FLT4: variants seen among roughly 807,000 people sequenced by gnomAD.
FLT4 encodes the protein vascular endothelial growth factor receptor 3.
A neutral mutation model predicts 163.2 loss-of-function variants in FLT4; 30 were observed. That is an observed-to-expected ratio of 0.18 (90% CI 0.14 to 0.25). The LOEUF is 0.25. Ranked by LOEUF, FLT4 falls within the 10% of genes least tolerant of loss-of-function variation. FLT4 has a pLI of 1.00. For missense variants in FLT4, 1,510 were observed against 1,863.8 expected (o/e 0.81, Z 3.50); for synonymous variants, 884 against 789.5 (o/e 1.12, Z -2.01).
chr5:180,623,116 C>G lies in FLT4; in HGVS notation c.1549-277G>C, dbSNP rs1015072928. On this transcript the variant is annotated intron_variant, in intron 11 of 29. Coordinates refer to ENST00000261937, the MANE Select transcript of FLT4 (RefSeq NM_182925.5). This position sits in a 1 kb window ranked among gnomAD's most constrained non-coding sequence, Gnocchi z 5.8. ...AGTGACGTCAGAGGGCAGCCTTTGGCAGGACCAGAGAGACCTCTGGCCGTG... is the reference window on the plus strand; with the variant it reads ...AGTGACGTCAGAGGGCAGCCTTTGGGAGGACCAGAGAGACCTCTGGCCGTG... 2.6e-5 allele frequency among the ~76,000 whole-genome samples: 4 copies of G among 152,194 alleles called. No homozygotes were observed. The highest frequency in any genetic ancestry group is 9.7e-5 in the African/African-American group (4 of 41,430).
chr5:180,607,897 C>T, intron 29 of FLT4: 1 of 584,372 alleles, frequency 1.7e-6, no homozygotes, highest in Admixed American at 3.0e-5. Context: ...CTCTGTCACG[C>T]TGGCATAAGG....
At chr5:180,649,850 G>T (rs1258191563), upstream of FLT4, among the ~76,000 whole-genome samples, 1 of 152,124 alleles carries the variant, frequency 6.6e-6, no homozygotes, top group Non-Finnish European at 1.5e-5. Context: ...ATGGAGCCTG[G>T]TGGGCAAAGG....
At chr5:180,628,763 G>T in intron 8 of FLT4, 119 bp downstream of exon 8, 1 of 729,754 alleles carries the variant, frequency 1.4e-6, no homozygotes, top group Admixed American at 2.1e-5. Context: ...CCCCCGCCAT[G>T]CCTGGTCTCC....
At position 180,601,527 on chromosome 5, in the gene FLT4, G is replaced by A. The variant is rs1021734629; in HGVS notation, c.*1665C>T. 15 of 231,098 alleles carry A rather than the reference G, an allele frequency of 6.5e-5. No individual in the cohort carries two copies. Among genetic ancestry groups the A allele is most frequent in the South Asian group, 3.6e-4 (2 of 5,492 alleles). 14.3% of individuals were successfully genotyped at this position (231,098 alleles called of 1,614,324 possible). A position where few individuals can be genotyped will look rare whatever the true frequency, so the allele number is the denominator to read the frequency against. On this transcript the variant is annotated 3_prime_UTR_variant, in exon 30 of 30. Coordinates refer to ENST00000261937, the MANE Select transcript of FLT4 (RefSeq NM_182925.5). Reference sequence around the variant, plus strand: ...CCCGTCCGCAACACACACAAAGACCGGCATCAGATTTATTATTATCTCTTG... The same window carrying A: ...CCCGTCCGCAACACACACAAAGACCAGCATCAGATTTATTATTATCTCTTG...
intron 26 of FLT4, 52 bp downstream of exon 26, chr5:180,612,454 C>T (rs937456040): frequency 2.9e-6 from 4 of 1,370,600 alleles, no homozygotes; most frequent in African/African-American, 2.9e-5. Flanking sequence ...GGGCCAGGGA[C>T]CCAGGGCAGG....
At chr5:180,613,709 T>A in intron 24 of FLT4, 1 of 393,786 alleles carries the variant, frequency 2.5e-6, no homozygotes, top group South Asian at 2.3e-5. Context: ...GGAGACTTCA[T>A]CATGCTCGCA....
chr5:180,628,198 C>CA (rs760538646), intron 8 of FLT4, among the ~76,000 whole-genome samples: 5 of 152,216 alleles, frequency 3.3e-5, no homozygotes, highest in Non-Finnish European at 5.9e-5. Flanking sequence ...AATGGGGACT[C>CA]AAAGTGTGAC....
At chr5:180,615,827 T>C (rs2453178) in intron 23 of FLT4, among the ~76,000 whole-genome samples, 127 of 10,698 alleles carry the variant, frequency 0.012, 55 homozygotes, top group Middle Eastern at 0.091. Context: ...GCACTGGGCC[T>C]GCCGGTCACC....
intron 1 of FLT4, among the ~76,000 whole-genome samples, chr5:180,637,584 G>A (rs1360911399): frequency 6.6e-6 from 1 of 152,182 alleles, no homozygotes; most frequent in Non-Finnish European, 1.5e-5. Flanking sequence ...CCAGGCTGCA[G>A]TGCAGTGGCG....
At chr5:180,643,594 T>TC (rs1490449070) in intron 1 of FLT4, among the ~76,000 whole-genome samples, 2 of 152,146 alleles carry the variant, frequency 1.3e-5, no homozygotes, top group Admixed American at 1.3e-4. Context: ...AACCATCCCC[T>TC]GCCCCTTTGC....
At chr5:180,611,544 C>T (rs1377866237) in intron 26 of FLT4, 65 bp from the exon 27 acceptor site, 8 of 1,545,888 alleles carry the variant, frequency 5.2e-6, no homozygotes, top group South Asian at 4.8e-5. Context: ...CCCTCGCCCC[C>T]ACCCTCAGCC....
rs1764691257 is a variant in FLT4 at position 180,636,349 on chromosome 5, G to A, written c.59-4571C>T. Among the ~76,000 whole-genome samples the A allele has an allele frequency of 6.6e-6, 1 of 152,098 alleles. No homozygotes were observed. The highest frequency in any genetic ancestry group is 2.4e-5 in the African/African-American group (1 of 41,396). On this transcript the variant is annotated intron_variant, in intron 1 of 29. Coordinates refer to ENST00000261937, the MANE Select transcript of FLT4 (RefSeq NM_182925.5). The surrounding 1 kb of genome is among the most constrained non-coding windows in gnomAD (Gnocchi z 4.3). Reference sequence around the variant, plus strand: ...TGCCTTATGTGAAGCCTGGCTTTCTGGCCACGGCACTGGCCCTGGGCGGTT... The same window carrying A: ...TGCCTTATGTGAAGCCTGGCTTTCTAGCCACGGCACTGGCCCTGGGCGGTT...
At chr5:180,614,030 C>T (rs371927558) in intron 24 of FLT4, 38 bp downstream of exon 24, 27 of 1,420,984 alleles carry the variant, frequency 1.9e-5, no homozygotes, top group African/African-American at 1.8e-4. Flanking sequence ...CCAGTGACCT[C>T]GCCTCCTCTC....
At chr5:180,631,364 T>A (rs1157172223) in intron 2 of FLT4, among the ~76,000 whole-genome samples, 7 of 151,888 alleles carry the variant, frequency 4.6e-5, no homozygotes, top group African/African-American at 1.5e-4. Context: ...TCCCAGCTAC[T>A]TGGGAGGCTG....
At chr5:180,619,497 G>A in intron 18 of FLT4, 131 bp from the exon 19 acceptor site, 2 of 953,202 alleles carry the variant, frequency 2.1e-6, no homozygotes, top group South Asian at 2.6e-5. Flanking sequence ...TGAGGCAGAG[G>A]GGGTTCGGGT....
chr5:180,644,336 C>A (rs973119744), intron 1 of FLT4, among the ~76,000 whole-genome samples: 1 of 152,162 alleles, frequency 6.6e-6, no homozygotes, highest in Non-Finnish European at 1.5e-5. Flanking sequence ...GCACGCCGGG[C>A]GTGTGGTGGA....
intron 13 of FLT4, 79 bp downstream of exon 13, chr5:180,621,463 C>T (rs1310595257): frequency 1.3e-6 from 2 of 1,567,696 alleles, no homozygotes; most frequent in Non-Finnish European, 1.7e-6. Context: ...CTCCCAGGGG[C>T]GAGCCACGCC....
At position 180,616,501 on chromosome 5, in the gene FLT4, G is replaced by A. The variant is rs762160065; in HGVS notation, c.3097-12C>T. 7 of 1,613,370 alleles carry A rather than the reference G, an allele frequency of 4.3e-6. No individual in the cohort carries two copies. Among genetic ancestry groups the A allele is most frequent in the Non-Finnish European group, 5.9e-6 (7 of 1,179,950 alleles). ...TCTCTGTGGATGCACTGGGGTGCGG[G>A]GAGGCGGCAGGGGGGCTGTCAGTGC... On this transcript the variant is annotated splice_polypyrimidine_tract_variant and intron_variant, in intron 22 of 29. Transcript: ENST00000261937.
At chr5:180,611,759 C>A in intron 26 of FLT4, 1 of 550,562 alleles carries the variant, frequency 1.8e-6, no homozygotes, top group Non-Finnish European at 3.3e-6. Flanking sequence ...ACCAGCACAT[C>A]TCAGCCATCA....
Sources: allele counts gnomAD v4.1 joint callset (sites outside exome capture counted in the v4.1 genomes callset), GRCh38; gene constraint gnomAD v4.1.1; non-coding constraint Gnocchi (gnomAD v3.1); transcripts MANE v1.5; gene names NCBI Gene and HGNC (gene_info 2026-07-23, HGNC 2026-07-21).